The following SNAP91 variants were observed in gnomAD, a reference collection of about 807,000 sequenced individuals.
The protein encoded by SNAP91 is synaptosome associated protein 91.
SNAP91 carries 27 observed loss-of-function variants against 100.3 expected under a neutral mutation model. The ratio of observed to expected loss-of-function variants is 0.27; its 90% CI spans 0.20 to 0.37. The LOEUF is 0.37. SNAP91 is among the 10% of genes least tolerant of loss of function. The probability of loss-of-function intolerance (pLI) is 1.00; values close to 1 mark genes in which losing one functional copy is unlikely to be tolerated. For missense variants in SNAP91, 986 were observed against 1,123.7 expected (o/e 0.88, Z 1.75); for synonymous variants, 404 against 398.6 (o/e 1.01, Z -0.16).
chr6:83,607,293 C>T (rs1053224132), intron 13 of SNAP91, among the ~76,000 whole-genome samples: 11 of 151,240 alleles, frequency 7.3e-5, no homozygotes, highest in African/African-American at 2.2e-4. Context: ...GTTCCTCATA[C>T]GCACTAGCTA....
intron 22 of SNAP91, among the ~76,000 whole-genome samples, chr6:83,587,747 T>C (rs1236297066): frequency 6.6e-6 from 1 of 152,210 alleles, no homozygotes; most frequent in Admixed American, 6.5e-5. Flanking sequence ...TTGCGTTTAT[T>C]AGCAGAATTT....
chr6:83,682,427 G>C (rs2099002795), intron 2 of SNAP91, among the ~76,000 whole-genome samples: 1 of 151,804 alleles, frequency 6.6e-6, no homozygotes, highest in South Asian at 2.1e-4. Context: ...AGCTGGTCTT[G>C]AACTCCTGGG....
intron 7 of SNAP91, among the ~76,000 whole-genome samples, chr6:83,644,729 G>T (rs1056756911): frequency 2.0e-5 from 3 of 152,134 alleles, no homozygotes; most frequent in Non-Finnish European, 2.9e-5. Context: ...TTACTTACAA[G>T]TCAGAGTTTC....
Position 83,656,816 on chromosome 6 carries a change from A to G in SNAP91, c.596T>C (p.Leu199Pro). Residue 199 changes from leucine to proline, a missense_variant, in exon 7 of 30, where the codon CTT becomes CCT. By Grantham distance (98) the Leu-to-Pro change is moderately conservative. Around this residue, in one of 4 missense-constraint regions of SNAP91, gnomAD observed 330 missense variants for 447.5 expected, o/e 0.74. Transcript: ENST00000369694. The part of the protein sequence containing the change: ...TNGVINAAFM[L>P]LFKDLIKLFA... ...AAGTTTGATAAGATCTTTGAAAAGA[A>G]GCATAAATGCTGCATTTATGACACC... The G allele has an allele frequency of 2.5e-6, 4 of 1,608,650 alleles. No individual in the cohort carries two copies. Among genetic ancestry groups the G allele is most frequent in the Non-Finnish European group, 3.4e-6 (4 of 1,177,536 alleles).
At chr6:83,598,700 G>C (rs961896818) in intron 16 of SNAP91, among the ~76,000 whole-genome samples, 2 of 152,038 alleles carry the variant, frequency 1.3e-5, no homozygotes, top group Admixed American at 6.6e-5. Flanking sequence ...ATTGTAGAGA[G>C]ACAAAATATT....
In SNAP91 at chr6:83,654,218, T is replaced by C. The variant is rs545421036; in HGVS notation, c.658+2536A>G. Among the ~76,000 whole-genome samples the C allele has an allele frequency of 3.9e-5, 6 of 152,284 alleles. No homozygotes were observed. In the South Asian group the frequency reaches 8.3e-4, roughly 21 times the overall value. On this transcript the variant is annotated intron_variant, in intron 7 of 29. Transcript: ENST00000369694. ...CTTCCTACTTCAACAGTAGTTCCTA[T>C]GGCAGCTTCCACTCGTGAGTCTCTG...
In SNAP91 at chr6:83,560,155, T is replaced by C. The variant is rs1377539945; in HGVS notation, c.2580A>G (p.Ala860=). The C allele has an allele frequency of 6.2e-7, 1 of 1,613,944 alleles. No homozygotes were observed. Among genetic ancestry groups the C allele is most frequent in the East Asian group, 2.2e-5 (1 of 44,870 alleles). Residue 860 remains alanine (A), a synonymous_variant, in exon 28 of 30, where the codon GCA becomes GCG. Transcript: ENST00000369694. ...CAAAGGGGGGCCTCATCATGGGCTG[T>C]GCAAACATGACCGGCTGCTGAGGCA... ...PMMPQQPVMF[A]QPMMRPPFGA...
At chr6:83,674,241 GGCCAACC>G in intron 2 of SNAP91, among the ~76,000 whole-genome samples, 1 of 151,962 alleles carries the variant, frequency 6.6e-6, no homozygotes, top group Non-Finnish European at 1.5e-5. Context: ...ATCTCAGCCT[GGCCAACC>G]TGGTGAAACC....
chr6:83,593,782 G>A, intron 17 of SNAP91, 41 bp from the exon 18 acceptor site: 1 of 1,523,376 alleles, frequency 6.6e-7, no homozygotes, highest in Non-Finnish European at 8.8e-7. Flanking sequence ...GCATCAGTAA[G>A]GAAAGAGACA....
At chr6:83,693,956 A>G (rs2099162639) in intron 2 of SNAP91, among the ~76,000 whole-genome samples, 3 of 152,230 alleles carry the variant, frequency 2.0e-5, no homozygotes, top group Admixed American at 2.0e-4. Flanking sequence ...AATCTAAAGC[A>G]CTGTATATGG....
In SNAP91 at chr6:83,594,415, G is replaced by T. The variant is rs773291658; in HGVS notation, c.1391C>A (p.Pro464Gln). The T allele has an allele frequency of 6.4e-7, 1 of 1,553,454 alleles. No individual in the cohort carries two copies. Among genetic ancestry groups the T allele is most frequent in the African/African-American group, 1.4e-5 (1 of 73,276 alleles). The stretch of plus-strand genomic sequence containing the variant: ...ATCAAGTGCTGCTGCTACAGGGGTT[G>T]GGGTAGCTGGTGCGGCGGCCCCTTC... ...ASEGAAAPAT[P>Q]TPVAAALDAC... Residue 464 changes from proline to glutamine, a missense_variant, in exon 17 of 30, where the codon CCA becomes CAA. Transcript: ENST00000369694.
intron 7 of SNAP91, among the ~76,000 whole-genome samples, chr6:83,650,854 G>A (rs866865552): frequency 1.4e-4 from 22 of 152,172 alleles, no homozygotes; most frequent in South Asian, 6.2e-4. Flanking sequence ...TCACTTAAAT[G>A]CTTGGTAGAA....
intron 8 of SNAP91, among the ~76,000 whole-genome samples, chr6:83,629,931 T>A (rs1433059121): frequency 2.6e-5 from 4 of 152,090 alleles, no homozygotes; most frequent in Admixed American, 2.6e-4. Context: ...CTTGTTCCAG[T>A]TCTCAGAGGA....
intron 9 of SNAP91, among the ~76,000 whole-genome samples, chr6:83,620,568 C>G (rs1171358950): frequency 6.6e-6 from 1 of 152,150 alleles, no homozygotes; most frequent in East Asian, 1.9e-4. Flanking sequence ...TTAGACCTGC[C>G]GAGGGGCTCT....
chr6:83,634,023 G>A (rs1584897453), intron 8 of SNAP91, among the ~76,000 whole-genome samples: 1 of 152,062 alleles, frequency 6.6e-6, no homozygotes, highest in African/African-American at 2.4e-5. Flanking sequence ...AATGGGTGCA[G>A]CACACCAACA....
chr6:83,575,368 C>T (rs1403940223), intron 25 of SNAP91: 1 of 465,048 alleles, frequency 2.2e-6, no homozygotes, highest in Non-Finnish European at 3.8e-6. Context: ...ATTTCCTATC[C>T]TCTATAAAGA....
chr6:83,681,571 G>GA (rs145699187), intron 2 of SNAP91, among the ~76,000 whole-genome samples: 4,329 of 149,546 alleles, frequency 0.029, 73 homozygotes, highest in East Asian at 0.059. Flanking sequence ...AGCCAGCTCA[G>GA]AAAAAAAAAG....
intron 2 of SNAP91, among the ~76,000 whole-genome samples, chr6:83,704,172 G>A (rs1562755715): frequency 6.6e-6 from 1 of 152,118 alleles, no homozygotes; most frequent in Non-Finnish European, 1.5e-5. Context: ...AACTAAAAAG[G>A]TAAATACTCA....
intron 2 of SNAP91, among the ~76,000 whole-genome samples, chr6:83,702,801 GA>G (rs61124889): frequency 1.3e-5 from 2 of 151,238 alleles, no homozygotes; most frequent in African/African-American, 2.4e-5. Flanking sequence ...AAAAGATCTG[GA>G]AAAAAAACCC....
Sources: allele counts gnomAD v4.1 joint callset (sites outside exome capture counted in the v4.1 genomes callset), GRCh38; gene constraint gnomAD v4.1.1; regional missense constraint gnomAD v4.1.1; transcripts MANE v1.5; gene names NCBI Gene and HGNC (gene_info 2026-07-23, HGNC 2026-07-21).